The following LRRFIP2 variants were observed in gnomAD, a reference collection of about 807,000 sequenced individuals.
The protein encoded by LRRFIP2 is leucine-rich repeat flightless-interacting protein 2.
Under a neutral mutation model 125.9 loss-of-function variants are expected in LRRFIP2, and 109 were observed. The observed-to-expected ratio is 0.87, with a 90% confidence interval of 0.74 to 1.01. The LOEUF is 1.01. Ranked by LOEUF, LRRFIP2 falls within the 50% of genes least tolerant of loss-of-function variation. The probability of loss-of-function intolerance (pLI) is 0.00; values close to 1 mark genes in which losing one functional copy is unlikely to be tolerated. For synonymous variants in LRRFIP2, 291 were observed against 293.1 expected (o/e 0.99, Z 0.07); for missense variants, 850 against 862.3 (o/e 0.99, Z 0.18).
Position 37,108,231 on chromosome 3 carries a change from A to G in LRRFIP2, c.658-102T>C, listed in dbSNP as rs2094418619. 3 of 866,656 alleles carry G rather than the reference A, an allele frequency of 3.5e-6. No homozygotes were observed. In the African/African-American group the frequency reaches 5.0e-5, roughly 14 times the overall value. 53.7% of individuals were successfully genotyped at this position (866,656 alleles called of 1,614,324 possible). Reference sequence around the variant, plus strand: ...TTACCTAACTTGCCCCTGGTTCTCAAGATAAAGGTAACTGTTATTCAGTGG... The same window carrying G: ...TTACCTAACTTGCCCCTGGTTCTCAGGATAAAGGTAACTGTTATTCAGTGG... On this transcript the variant is annotated intron_variant, in intron 12 of 27. Transcript: ENST00000336686.
intron 25 of LRRFIP2, among the ~76,000 whole-genome samples, chr3:37,057,070 G>A (rs1250523336): frequency 2.0e-5 from 3 of 152,108 alleles, no homozygotes; most frequent in Admixed American, 2.0e-4. Flanking sequence ...CTGGTCCAGG[G>A]AAGCTGCTTG....
chr3:37,053,980 C>G lies in LRRFIP2; in HGVS notation c.2056-19G>C, dbSNP rs754577237. ...TTCGTAACTGGAGACAGGGAGAATGCAGTCACTACATGTGGTCAGAAACAA... is the reference window on the plus strand; with the variant it reads ...TTCGTAACTGGAGACAGGGAGAATGGAGTCACTACATGTGGTCAGAAACAA... On this transcript the variant is annotated intron_variant, in intron 27 of 27. Transcript: ENST00000336686. The G allele has an allele frequency of 1.8e-5, 25 of 1,383,834 alleles. No individual in the cohort carries two copies. Among genetic ancestry groups the G allele is most frequent in the Non-Finnish European group, 2.5e-5 (24 of 969,720 alleles). 85.7% of individuals were successfully genotyped at this position (1,383,834 alleles called of 1,614,324 possible).
intron 1 of LRRFIP2, among the ~76,000 whole-genome samples, chr3:37,167,424 G>A (rs1045357027): frequency 2.6e-5 from 4 of 151,994 alleles, no homozygotes; most frequent in Non-Finnish European, 4.4e-5. Flanking sequence ...GGGAGGCCGA[G>A]GCGGGCAGAT....
intron 2 of LRRFIP2, chr3:37,134,791 A>T: frequency 1.2e-6 from 1 of 822,944 alleles, no homozygotes; most frequent in South Asian, 1.3e-5. Flanking sequence ...GACAGCCCAT[A>T]TCAAAGCGGT....
In LRRFIP2 at chr3:37,054,386, C is replaced by A; in HGVS notation, c.2055+25G>T. ...TTTTTTCTTTTTAGGAATGTATTCT[C>A]CAAGAAACATATTAAAAGAAGTACC... is the stretch of plus-strand genomic sequence containing the variant. On this transcript the variant is annotated intron_variant, in intron 27 of 27. Transcript: ENST00000336686. 3 of 1,558,242 alleles carry A rather than the reference C, an allele frequency of 1.9e-6. No homozygotes were observed. In the South Asian group the frequency reaches 3.4e-5, roughly 18 times the overall value.
intron 1 of LRRFIP2, chr3:37,172,720 A>G (rs1370481064): frequency 1.3e-5 from 2 of 152,194 alleles, no homozygotes; most frequent in African/African-American, 4.8e-5. Flanking sequence ...AAGTGGAATT[A>G]TCTCTTGACC....
At chr3:37,147,833 G>A (rs2095896586) in intron 2 of LRRFIP2, among the ~76,000 whole-genome samples, 1 of 152,150 alleles carries the variant, frequency 6.6e-6, no homozygotes, top group Non-Finnish European at 1.5e-5. Flanking sequence ...AATCCCAGCT[G>A]GCAGTCATCT....
At chr3:37,104,958 C>A (rs2094244445) in intron 14 of LRRFIP2, among the ~76,000 whole-genome samples, 1 of 152,114 alleles carries the variant, frequency 6.6e-6, no homozygotes, top group Non-Finnish European at 1.5e-5. Context: ...AATCCTCCCA[C>A]CTCAGTCTCC....
At chr3:37,138,486 T>A (rs773961362) in intron 2 of LRRFIP2, among the ~76,000 whole-genome samples, 2 of 152,328 alleles carry the variant, frequency 1.3e-5, no homozygotes, top group Non-Finnish European at 2.9e-5. Flanking sequence ...TATATTTAAG[T>A]ACTGTATCTA....
chr3:37,136,398 C>T (rs1245559514), intron 2 of LRRFIP2, among the ~76,000 whole-genome samples: 5 of 152,256 alleles, frequency 3.3e-5, no homozygotes, highest in Middle Eastern at 3.4e-3. Context: ...TTAAAAACTA[C>T]TGAATATTTT....
intron 2 of LRRFIP2, chr3:37,134,539 T>C (rs1478823653): frequency 2.4e-6 from 1 of 411,340 alleles, no homozygotes; most frequent in Non-Finnish European, 4.7e-6. Context: ...AGAGCTTGTG[T>C]CTGGCAGAGC....
In LRRFIP2 at chr3:37,060,241, G is replaced by A. The variant is rs914331790; in HGVS notation, c.1750-1331C>T. 1.3e-5 allele frequency among the ~76,000 whole-genome samples: 2 copies of A among 151,914 alleles called. No individual in the cohort carries two copies. Among genetic ancestry groups the A allele is most frequent in the African/African-American group, 4.8e-5 (2 of 41,358 alleles). On this transcript the variant is annotated intron_variant, in intron 24 of 27. Transcript: ENST00000336686. The surrounding 1 kb of genome is among the most constrained non-coding windows in gnomAD (Gnocchi z 4.1). ...TTCTGAGCATCCCCCCTTTACCCTC[G>A]TGCTCTGATAACCCTCTCCTGCTGC...
intron 19 of LRRFIP2, among the ~76,000 whole-genome samples, chr3:37,081,892 G>GAA (rs67658865): frequency 1.5e-4 from 10 of 68,338 alleles, no homozygotes; most frequent in African/African-American, 1.9e-4. Flanking sequence ...GTCTCCAAAA[G>GAA]AAAAAAAAAA....
At chr3:37,065,969 C>T in intron 22 of LRRFIP2, 27 bp from the exon 23 acceptor site, 1 of 1,613,900 alleles carries the variant, frequency 6.2e-7, no homozygotes, top group Non-Finnish European at 8.5e-7. Context: ...CCCACCATCA[C>T]AAAAGGCCCG....
chr3:37,106,953 G>A (rs1048352738), intron 13 of LRRFIP2, among the ~76,000 whole-genome samples: 1 of 147,502 alleles, frequency 6.8e-6, no homozygotes, highest in Non-Finnish European at 1.5e-5. Context: ...TGCCCAGGCT[G>A]GAGTGCAATG....
At chr3:37,101,721 C>T (rs1007694943) in intron 15 of LRRFIP2, among the ~76,000 whole-genome samples, 2 of 151,226 alleles carry the variant, frequency 1.3e-5, no homozygotes, top group South Asian at 2.1e-4. Context: ...TGCCACCTCT[C>T]ACCCCCTCCA....
At chr3:37,169,694 GAACAGT>G (rs2096559177) in intron 1 of LRRFIP2, among the ~76,000 whole-genome samples, 1 of 152,208 alleles carries the variant, frequency 6.6e-6, no homozygotes, top group Admixed American at 6.5e-5. Context: ...AACATGCTCA[GAACAGT>G]AACATAAAAA....
At chr3:37,064,149 T>C (rs973413831) in intron 23 of LRRFIP2, 1 of 211,174 alleles carries the variant, frequency 4.7e-6, no homozygotes, top group African/African-American at 2.3e-5. Flanking sequence ...GCTGAGCCCT[T>C]AGCGGGAGAG....
intron 7 of LRRFIP2, among the ~76,000 whole-genome samples, chr3:37,113,741 A>T (rs1004617664): frequency 2.0e-5 from 3 of 152,246 alleles, no homozygotes; most frequent in African/African-American, 7.2e-5. Flanking sequence ...CAGTACTCTT[A>T]ACCCAAATTA....
Sources: gnomAD v4.1 joint callset for allele counts (sites outside exome capture counted in the v4.1 genomes callset) on GRCh38, gnomAD v4.1.1 for gene constraint, Gnocchi (gnomAD v3.1) non-coding constraint, MANE v1.5 for transcripts, NCBI Gene and HGNC (gene_info 2026-07-23, HGNC 2026-07-21) for gene names.